The following SLC45A2 variants were observed in gnomAD, a reference collection of about 807,000 sequenced individuals.
SLC45A2 encodes solute carrier family 45 member 2.
In SLC45A2, 36 loss-of-function variants were observed where a neutral mutation model predicts 45.5. The observed-to-expected ratio is 0.79, with a 90% CI of 0.61 to 1.04. The LOEUF is 1.04. SLC45A2 is among the 50% of genes least tolerant of loss of function. The pLI, the probability that SLC45A2 is intolerant of heterozygous loss-of-function variation, is 0.00. For synonymous variants in SLC45A2, 306 were observed against 269.3 expected (o/e 1.14, Z -1.33); for missense variants, 719 against 671.0 (o/e 1.07, Z -0.79).
At chr5:33,971,376 T>C (rs1752772279) in intron 2 of SLC45A2, 3 of 489,482 alleles carry the variant, frequency 6.1e-6, no homozygotes, top group South Asian at 1.5e-5. Flanking sequence ...TGGACCACCA[T>C]AAACAGGAAA....
At chr5:33,981,969 G>A (rs1275550202) in intron 2 of SLC45A2, among the ~76,000 whole-genome samples, 3 of 152,218 alleles carry the variant, frequency 2.0e-5, no homozygotes, top group Non-Finnish European at 4.4e-5. Flanking sequence ...CAATCCACAA[G>A]GCTTCTTTCC....
chr5:33,971,548 TC>T (rs1752776907), intron 2 of SLC45A2: 1 of 245,680 alleles, frequency 4.1e-6, no homozygotes. Flanking sequence ...AGGTGATCCT[TC>T]CACCTCAGCC....
chr5:33,969,901 A>G (rs3756462), intron 2 of SLC45A2, among the ~76,000 whole-genome samples: 4,974 of 152,266 alleles, frequency 0.033, 178 homozygotes, highest in East Asian at 0.18. Flanking sequence ...GTCAGGCATT[A>G]ATTGGCCTCG....
In SLC45A2 at chr5:33,951,261, T is replaced by C. The variant is rs1752087161; in HGVS notation, c.1156+293A>G. On this transcript the variant is annotated intron_variant, in intron 5 of 6. Transcript: ENST00000296589. The stretch of plus-strand genomic sequence containing the variant: ...TAGAACACGAACCTGCTGGGACTCA[T>C]CCATCCAACACTTCATCTTGTAAAG... The C allele has an allele frequency of 4.9e-6, 3 of 610,348 alleles. No individual in the cohort carries two copies. In the African/African-American group the frequency reaches 5.6e-5, roughly 11 times the overall value. The allele number at this position is 610,348 out of a possible 1,614,324, so 37.8% of individuals were successfully genotyped here.
At chr5:33,971,077 A>G in intron 2 of SLC45A2, 1 of 508,862 alleles carries the variant, frequency 2.0e-6, no homozygotes, top group South Asian at 1.5e-5. Context: ...TCATTGTTAA[A>G]GCTGCAGATG....
rs77634241 is a variant in SLC45A2, at chr5:33,981,800, C to A, written c.562+436G>T. Among the ~76,000 whole-genome samples the A allele has an allele frequency of 1.9e-3, 289 of 152,292 alleles. 1 individual carries two copies. The highest frequency in any genetic ancestry group is 6.5e-3 in the African/African-American group (270 of 41,556). ...AACCTGCCACAAAATCATCTGGGGT[C>A]TTTATTAAATAAAATACAAATGTCT... On this transcript the variant is annotated intron_variant, in intron 2 of 6. Transcript: ENST00000296589.
intron 5 of SLC45A2, chr5:33,951,305 G>A: frequency 1.9e-6 from 2 of 1,038,694 alleles, no homozygotes; most frequent in Non-Finnish European, 2.6e-6. Context: ...TCATTTTCCA[G>A]AGAAACTTGA....
intron 3 of SLC45A2, among the ~76,000 whole-genome samples, chr5:33,962,747 T>C (rs1752487439): frequency 6.6e-6 from 1 of 152,258 alleles, no homozygotes; most frequent in Non-Finnish European, 1.5e-5. Flanking sequence ...TTAAGCACTG[T>C]GCTCTTAATC....
intron 5 of SLC45A2, among the ~76,000 whole-genome samples, chr5:33,951,229 G>A (rs983813639): frequency 1.3e-5 from 2 of 152,144 alleles, no homozygotes; most frequent in African/African-American, 2.4e-5. Context: ...CAATGATCTT[G>A]CTCCAGTAGA....
rs202120684 is a variant in SLC45A2 at position 33,982,344 on chromosome 5, A to G, written c.454T>C (p.Phe152Leu). ...ISVTMIGVVLFDFAADFIDGP... is the reference protein window; with the variant it reads ...ISVTMIGVVLLDFAADFIDGP... ...TCAATGAAGTCGGCAGCAAAATCAA[A>G]GAGAACGACACCTATCATGGTGACA... Residue 152 changes from phenylalanine to leucine, a missense_variant, in exon 2 of 7, where the codon TTT (phenylalanine) becomes CTT (leucine). Physicochemically the swap from Phe to Leu is conservative, Grantham distance 22. Coordinates refer to ENST00000296589, the MANE Select transcript of SLC45A2 (RefSeq NM_016180.5). 15 of 1,614,074 alleles carry G rather than the reference A, an allele frequency of 9.3e-6. No homozygotes were observed. The highest frequency in any genetic ancestry group is 2.7e-5 in the African/African-American group (2 of 74,932).
At chr5:33,982,624 T>G (rs1753112385) in intron 1 of SLC45A2, among the ~76,000 whole-genome samples, 2 of 152,012 alleles carry the variant, frequency 1.3e-5, no homozygotes, top group African/African-American at 4.8e-5. Context: ...ACAAAGTAAA[T>G]TAGTGGTTGC....
chr5:33,966,479 G>T lies in SLC45A2; in HGVS notation c.563-2463C>A, dbSNP rs905506831. ...GACGGAGTCTCGCTCTGTCGCCCAG[G>T]CCGGACTGCGGACTGCAGTGGCGCA... is the stretch of plus-strand genomic sequence containing the variant. On this transcript the variant is annotated intron_variant, in intron 2 of 6. Transcript: ENST00000296589. 5.0e-5 allele frequency among the ~76,000 whole-genome samples: 7 copies of T among 139,882 alleles called. No homozygotes were observed. The South Asian group carries it at 1.7e-3, about 34-fold the overall frequency. 91.8% of individuals were successfully genotyped at this position (139,882 alleles called of 152,430 possible).
rs552185960 is a variant in SLC45A2 at position 33,947,295 on chromosome 5, C to T, written c.1236G>A (p.Thr412=). The T allele has an allele frequency of 1.3e-5, 21 of 1,614,222 alleles. No individual in the cohort carries two copies. Among genetic ancestry groups the T allele is most frequent in the African/African-American group, 9.3e-5 (7 of 75,044 alleles). The change falls in exon 6 of 7, where the codon ACG becomes ACA. Residue 412 remains threonine (T), a synonymous_variant. Coordinates refer to ENST00000296589, the MANE Select transcript of SLC45A2 (RefSeq NM_016180.5). ...FTGYLLFGLG[T]GFIGLFPNVY... ...CATTCGGGAAGAGCCCAATAAATCC[C>T]GTCCCCAGGCCAAACAGCAAATATC...
chr5:33,980,116 G>A (rs1000390308), intron 2 of SLC45A2, among the ~76,000 whole-genome samples: 1 of 151,820 alleles, frequency 6.6e-6, no homozygotes, highest in Non-Finnish European at 1.5e-5. Flanking sequence ...AAAACAGAAG[G>A]AATTGTCAGA....
chr5:33,966,772 T>C (rs1393771288), intron 2 of SLC45A2, among the ~76,000 whole-genome samples: 1 of 151,930 alleles, frequency 6.6e-6, no homozygotes, highest in Non-Finnish European at 1.5e-5. Context: ...GTTATAAGAG[T>C]TCAATATATC....
chr5:33,972,163 T>TA, intron 2 of SLC45A2: 1 of 520,588 alleles, frequency 1.9e-6, no homozygotes, highest in Non-Finnish European at 3.9e-6. Flanking sequence ...GCATCATTTT[T>TA]ATGGATGAAT....
intron 2 of SLC45A2, among the ~76,000 whole-genome samples, chr5:33,978,493 AC>A: frequency 6.6e-6 from 1 of 152,164 alleles, no homozygotes; most frequent in East Asian, 1.9e-4. Flanking sequence ...TCTCTCTGAA[AC>A]TTGCTATCTG....
intron 2 of SLC45A2, among the ~76,000 whole-genome samples, chr5:33,969,065 C>CTCTCTGTGTGTGTGTGTG: frequency 9.8e-6 from 1 of 102,392 alleles, no homozygotes; most frequent in Non-Finnish European, 2.0e-5. Context: ...CTCTCTCTCT[C>CTCTCTGTGTGTGTGTGTG]TGTGTGTGTG....
At chr5:33,971,575 A>T (rs1345909089) in intron 2 of SLC45A2, among the ~76,000 whole-genome samples, 1 of 152,146 alleles carries the variant, frequency 6.6e-6, no homozygotes, top group East Asian at 1.9e-4. Context: ...AGTGGCTCAG[A>T]CCACAGGTGT....
Sources: gnomAD v4.1 joint callset for allele counts (sites outside exome capture counted in the v4.1 genomes callset) on GRCh38, gnomAD v4.1.1 for gene constraint, MANE v1.5 for transcripts, NCBI Gene and HGNC (gene_info 2026-07-23, HGNC 2026-07-21) for gene names.